The following MIPEP variants were observed in gnomAD, a reference collection of about 807,000 sequenced individuals.
The protein encoded by MIPEP is mitochondrial intermediate peptidase.
In MIPEP, 79 loss-of-function variants were observed where a neutral mutation model predicts 90.3. The observed-to-expected ratio is 0.87, with a 90% CI of 0.73 to 1.05. MIPEP has a LOEUF of 1.05. MIPEP is among the 50% of genes least tolerant of loss of function. The probability of loss-of-function intolerance (pLI) is 0.00; values close to 1 mark genes in which losing one functional copy is unlikely to be tolerated. For missense variants in MIPEP, 940 were observed against 905.6 expected, an observed-to-expected ratio of 1.04 and a Z score of -0.49; for synonymous variants, 334 against 315.8, an observed-to-expected ratio of 1.06 and a Z score of -0.61.
chr13:23,871,098 A>C (rs77821894), intron 5 of MIPEP, among the ~76,000 whole-genome samples: 31 of 152,064 alleles, frequency 2.0e-4, no homozygotes, highest in Non-Finnish European at 7.4e-5. Context: ...GAAGTCTAAG[A>C]AGCAGACTGG....
chr13:23,841,455 A>G lies in MIPEP; in HGVS notation c.1140T>C (p.Phe380=). 1 of 1,613,976 alleles carries G rather than the reference A, an allele frequency of 6.2e-7. No individual in the cohort carries two copies. The highest frequency in any genetic ancestry group is 1.1e-5 in the South Asian group (1 of 91,010). ...YNIEPSLYCP[F]FSLGACMEGL... ...CTTCCATGCATGCTCCAAGAGAGAA[A>G]AACGGGCAATATAGGCTGGGCTCAA... Residue 380 remains phenylalanine, a synonymous_variant, in exon 11 of 19, where the codon TTT becomes TTC. Coordinates refer to ENST00000382172, the MANE Select transcript of MIPEP (RefSeq NM_005932.4).
At position 23,809,913 on chromosome 13, in the gene MIPEP, T is replaced by G; in HGVS notation, c.1665A>C (p.Lys555Asn). 1 of 1,613,224 alleles carries G rather than the reference T, an allele frequency of 6.2e-7. No homozygotes were observed. The highest frequency in any genetic ancestry group is 1.1e-5 in the South Asian group (1 of 91,004). ...RHYQTGQPLPKNMVSRLCESK... is the reference protein window; with the variant it reads ...RHYQTGQPLPNNMVSRLCESK... ...ATTCACAAAGACGAGACACCATATT[T>G]TTTGGCAGTGGCTTGATAAAACAAA... is the stretch of plus-strand genomic sequence containing the variant. Residue 555 changes from lysine to asparagine, a missense_variant, in exon 15 of 19, where the codon AAA (lysine) becomes AAC (asparagine). Lys to Asn is a moderately conservative substitution (Grantham distance 94). Transcript: ENST00000382172.
At chr13:23,880,960 T>G (rs1871248508) in intron 3 of MIPEP, among the ~76,000 whole-genome samples, 1 of 152,178 alleles carries the variant, frequency 6.6e-6, no homozygotes, top group Non-Finnish European at 1.5e-5. Context: ...TCTCCCTAGC[T>G]CTATACACTG....
chr13:23,763,245 A>G (rs1952566008), intron 16 of MIPEP, among the ~76,000 whole-genome samples: 1 of 152,178 alleles, frequency 6.6e-6, no homozygotes. Flanking sequence ...GACCACTGGT[A>G]GCCTTTCTCG....
chr13:23,803,973 C>T (rs935315812), intron 16 of MIPEP, among the ~76,000 whole-genome samples: 10 of 152,060 alleles, frequency 6.6e-5, no homozygotes, highest in African/African-American at 1.4e-4. Context: ...GGCTACTGAA[C>T]GTGAATTGTG....
At chr13:23,829,625 A>G (rs1056232790) in intron 14 of MIPEP, among the ~76,000 whole-genome samples, 15 of 152,158 alleles carry the variant, frequency 9.9e-5, no homozygotes, top group Admixed American at 2.0e-4. Context: ...GCATGAGACA[A>G]AAAGACATCT....
At chr13:23,852,636 G>A (rs1259159474) in intron 10 of MIPEP, among the ~76,000 whole-genome samples, 1 of 152,174 alleles carries the variant, frequency 6.6e-6, no homozygotes, top group Non-Finnish European at 1.5e-5. Flanking sequence ...CACACAATTA[G>A]GTACAGTACA....
chr13:23,757,814 T>A (rs990128306), intron 17 of MIPEP, among the ~76,000 whole-genome samples: 3 of 152,206 alleles, frequency 2.0e-5, no homozygotes, highest in Non-Finnish European at 4.4e-5. Context: ...TTTGTAGACA[T>A]AAATCCTCCA....
At chr13:23,738,301 T>C (rs945774591) in intron 18 of MIPEP, among the ~76,000 whole-genome samples, 4 of 152,314 alleles carry the variant, frequency 2.6e-5, no homozygotes, top group Non-Finnish European at 4.4e-5. Flanking sequence ...TAAAATACTA[T>C]GAAGTTTTTT....
intron 14 of MIPEP, among the ~76,000 whole-genome samples, chr13:23,820,784 G>A (rs559410769): frequency 1.3e-5 from 2 of 152,294 alleles, no homozygotes; most frequent in South Asian, 4.1e-4. Flanking sequence ...ATCAGAGTGT[G>A]CATTTCTAAG....
rs1467008179 is a variant in MIPEP, at chr13:23,886,393, C to A, written c.303G>T (p.Gly101=). The change falls in exon 2 of 19, where the codon GGG becomes GGT. Residue 101 remains glycine (G), a synonymous_variant. Transcript: ENST00000382172. ...CATCGAAGATCAGCACGGTCTGGGG[C>A]CCAGGTGGGGTGGAACATGCACGGT... The part of the protein sequence containing the change: ...LVDRACSTPP[G]PQTVLIFDEL... The A allele has an allele frequency of 1.9e-6, 3 of 1,607,786 alleles. No homozygotes were observed. Among genetic ancestry groups the A allele is most frequent in the Non-Finnish European group, 2.5e-6 (3 of 1,176,730 alleles).
intron 10 of MIPEP, among the ~76,000 whole-genome samples, chr13:23,854,072 TC>T (rs900682997): frequency 2.1e-4 from 31 of 148,964 alleles, no homozygotes; most frequent in Non-Finnish European, 3.9e-4. Context: ...ACGCCTGTAA[TC>T]CCAGCACTTT....
Position 23,739,592 on chromosome 13 carries a change from G to A in MIPEP, c.2045-9147C>T, listed in dbSNP as rs143618589. ...TAGAGGACTGGTCATCTGTTGATAGGTCATGATTTCTGCCAAAGTGGGCGA... is the reference window on the plus strand; with the variant it reads ...TAGAGGACTGGTCATCTGTTGATAGATCATGATTTCTGCCAAAGTGGGCGA... On this transcript the variant is annotated intron_variant, in intron 18 of 18. Transcript: ENST00000382172. 6.7e-3 allele frequency among the ~76,000 whole-genome samples: 1,028 copies of A among 152,302 alleles called. 10 individuals are homozygous for A. Among genetic ancestry groups the A allele is most frequent in the African/African-American group, 0.024 (977 of 41,556 alleles).
chr13:23,767,769 A>G (rs908836070), intron 16 of MIPEP, among the ~76,000 whole-genome samples: 3 of 152,058 alleles, frequency 2.0e-5, no homozygotes, highest in African/African-American at 7.2e-5. Flanking sequence ...AATATTTTTT[A>G]ATTTTTTTTT....
Position 23,863,374 on chromosome 13 carries a change from T to C in MIPEP, c.992+767A>G, listed in dbSNP as rs115701836. ...CCTCCCTAATCTGAAAATCTGAAAC[T>C]TTCTCAGCACTGACATGATGGTACA... On this transcript the variant is annotated intron_variant, in intron 8 of 18. Transcript: ENST00000382172. 1.6e-3 allele frequency among the ~76,000 whole-genome samples: 246 copies of C among 152,258 alleles called. 1 individual carries two copies. Among genetic ancestry groups the C allele is most frequent in the African/African-American group, 5.6e-3 (233 of 41,540 alleles).
intron 16 of MIPEP, among the ~76,000 whole-genome samples, chr13:23,768,624 A>G (rs923970177): frequency 2.0e-5 from 3 of 152,148 alleles, no homozygotes; most frequent in Non-Finnish European, 4.4e-5. Flanking sequence ...AGTCCCAGCT[A>G]CTCAGGAGGC....
chr13:23,789,852 C>A (rs955417274), intron 16 of MIPEP, among the ~76,000 whole-genome samples: 1 of 152,152 alleles, frequency 6.6e-6, no homozygotes, highest in Non-Finnish European at 1.5e-5. Flanking sequence ...GACCTTTAAC[C>A]CTGTGGATAC....
intron 16 of MIPEP, among the ~76,000 whole-genome samples, chr13:23,794,400 C>A (rs1350710450): frequency 6.6e-6 from 1 of 152,110 alleles, no homozygotes; most frequent in Non-Finnish European, 1.5e-5. Flanking sequence ...CTAACGCTGC[C>A]TTAACTCCCT....
chr13:23,840,758 CTT>C (rs1442926627), intron 11 of MIPEP, among the ~76,000 whole-genome samples: 4 of 152,122 alleles, frequency 2.6e-5, no homozygotes, highest in Admixed American at 1.3e-4. Context: ...AATACAAAGC[CTT>C]AGTGACACAC....
Sources: allele counts gnomAD v4.1 joint callset (sites outside exome capture counted in the v4.1 genomes callset), GRCh38; gene constraint gnomAD v4.1.1; transcripts MANE v1.5; gene names NCBI Gene and HGNC (gene_info 2026-07-23, HGNC 2026-07-21).